Variants in PCDH15 observed in about 807,000 individuals in gnomAD.
The protein encoded by PCDH15 is protocadherin-15.
Under a neutral mutation model 178.5 loss-of-function variants are expected in PCDH15, and 129 were observed. The observed-to-expected ratio is 0.72, with a 90% CI of 0.63 to 0.84. PCDH15 has a LOEUF of 0.84. PCDH15 is among the 40% of genes least tolerant of loss of function. PCDH15 has a pLI of 0.00. For missense variants in PCDH15, 2,230 were observed against 2,099.9 expected (o/e 1.06, Z -1.21); for synonymous variants, 800 against 732.0 (o/e 1.09, Z -1.50).
chr10:55,122,571 TTGAG>T (rs1447206137), intron 2 of PCDH15, among the ~76,000 whole-genome samples: 5 of 152,106 alleles, frequency 3.3e-5, no homozygotes, highest in African/African-American at 1.2e-4. Flanking sequence ...AAATGGCTAT[TTGAG>T]TGATAAGATC....
At chr10:54,839,838 T>G (rs1953386113) in intron 3 of PCDH15, among the ~76,000 whole-genome samples, 1 of 151,756 alleles carries the variant, frequency 6.6e-6, no homozygotes, top group African/African-American at 2.4e-5. Flanking sequence ...GCCTTGCAGG[T>G]CATGAAAGAG....
intron 1 of PCDH15, among the ~76,000 whole-genome samples, chr10:55,312,711 G>C (rs1382065345): frequency 6.6e-6 from 1 of 151,940 alleles, no homozygotes; most frequent in Non-Finnish European, 1.5e-5. Flanking sequence ...TCCGCCTTCT[G>C]GGTTCAAGCG....
chr10:54,475,464 CA>C (rs1337199375), intron 3 of PCDH15, among the ~76,000 whole-genome samples: 1 of 151,940 alleles, frequency 6.6e-6, no homozygotes, highest in Admixed American at 6.6e-5. Flanking sequence ...GATCCCTATA[CA>C]TATTACAGAT....
chr10:55,260,246 C>T (rs1364286367), intron 1 of PCDH15, among the ~76,000 whole-genome samples: 1 of 151,458 alleles, frequency 6.6e-6, no homozygotes, highest in African/African-American at 2.4e-5. Context: ...TCATTTTCAC[C>T]ATGTTGGTAC....
chr10:55,098,699 C>T (rs961631505), intron 2 of PCDH15, among the ~76,000 whole-genome samples: 1 of 152,064 alleles, frequency 6.6e-6, no homozygotes, highest in Non-Finnish European at 1.5e-5. Flanking sequence ...AAACGTCACA[C>T]CTGGTGGAAC....
chr10:54,729,956 C>T (rs28750705), intron 1 of PCDH15, among the ~76,000 whole-genome samples: 18,450 of 151,360 alleles, frequency 0.12, 1,251 homozygotes, highest in African/African-American at 0.17. Flanking sequence ...GGTAGGAGTG[C>T]AAATTTGTTC....
At chr10:55,220,500 A>G (rs1186808361) in intron 1 of PCDH15, among the ~76,000 whole-genome samples, 1 of 152,068 alleles carries the variant, frequency 6.6e-6, no homozygotes, top group East Asian at 1.9e-4. Context: ...TACGAACATT[A>G]TAGAGTATAC....
chr10:55,080,585 T>C (rs1468366587), intron 2 of PCDH15, among the ~76,000 whole-genome samples: 2 of 152,108 alleles, frequency 1.3e-5, no homozygotes, highest in Non-Finnish European at 2.9e-5. Context: ...CCCTGGCTGC[T>C]GCAGTAATTG....
intron 8 of PCDH15, among the ~76,000 whole-genome samples, chr10:54,299,557 A>T (rs527958973): frequency 6.6e-6 from 1 of 152,230 alleles, no homozygotes; most frequent in African/African-American, 2.4e-5. Context: ...CTGACAACCC[A>T]TAGCCTTCCT....
intron 2 of PCDH15, among the ~76,000 whole-genome samples, chr10:54,936,822 G>GTT (rs1837918918): frequency 6.6e-6 from 1 of 150,512 alleles, no homozygotes; most frequent in African/African-American, 2.4e-5. Flanking sequence ...CTTTCTTGAT[G>GTT]TTTTACCAAG....
intron 1 of PCDH15, among the ~76,000 whole-genome samples, chr10:54,765,601 A>G (rs1190992669): frequency 6.6e-6 from 1 of 152,186 alleles, no homozygotes; most frequent in Non-Finnish European, 1.5e-5. Flanking sequence ...CAAAAGTATT[A>G]CCTGTATTAC....
At chr10:54,733,065 G>GA (rs1943622962) in intron 1 of PCDH15, among the ~76,000 whole-genome samples, 1 of 151,458 alleles carries the variant, frequency 6.6e-6, no homozygotes, top group Admixed American at 6.6e-5. Flanking sequence ...TTATAATGGC[G>GA]AAAGACTGAC....
intron 2 of PCDH15, among the ~76,000 whole-genome samples, chr10:55,533,392 C>G (rs1455455513): frequency 6.6e-6 from 1 of 151,932 alleles, no homozygotes; most frequent in Non-Finnish European, 1.5e-5. Flanking sequence ...TTTCAGGATA[C>G]AAATATATGT....
At chr10:55,562,336 A>G (rs1842216842) in intron 2 of PCDH15, among the ~76,000 whole-genome samples, 1 of 152,000 alleles carries the variant, frequency 6.6e-6, no homozygotes, top group Non-Finnish European at 1.5e-5. Flanking sequence ...GAATTCAATT[A>G]GTTTTGAAAT....
At chr10:54,107,067 C>T (rs1000514705) in intron 15 of PCDH15, among the ~76,000 whole-genome samples, 1 of 152,096 alleles carries the variant, frequency 6.6e-6, no homozygotes. Flanking sequence ...CTCCTAGAAC[C>T]AGTAACCAAA....
intron 2 of PCDH15, among the ~76,000 whole-genome samples, chr10:55,048,119 G>GA (rs748219223): frequency 6.6e-6 from 1 of 151,518 alleles, no homozygotes; most frequent in Non-Finnish European, 1.5e-5. Flanking sequence ...ATATGTTTAA[G>GA]AAAAAAGGAG....
At chr10:53,959,098 C>T (rs1014462667) in intron 23 of PCDH15, among the ~76,000 whole-genome samples, 6 of 145,348 alleles carry the variant, frequency 4.1e-5, no homozygotes, top group Admixed American at 2.1e-4. Flanking sequence ...TAACCATAAA[C>T]TATAATATAT....
At chr10:54,849,598 A>G (rs996243632) in intron 3 of PCDH15, among the ~76,000 whole-genome samples, 2 of 152,292 alleles carry the variant, frequency 1.3e-5, no homozygotes, top group Non-Finnish European at 2.9e-5. Context: ...AAAAGTAAAA[A>G]TGACTTTCTA....
At chr10:54,302,182 C>T (rs1202445182) in intron 8 of PCDH15, among the ~76,000 whole-genome samples, 1 of 152,078 alleles carries the variant, frequency 6.6e-6, no homozygotes, top group African/African-American at 2.4e-5. Flanking sequence ...AGGTTAGATA[C>T]ATGTACCCTA....
Sources: gnomAD v4.1 joint callset for allele counts (sites outside exome capture counted in the v4.1 genomes callset) on GRCh38, gnomAD v4.1.1 for gene constraint, MANE v1.5 for transcripts, NCBI Gene and HGNC (gene_info 2026-07-23, HGNC 2026-07-21) for gene names.